CSMD1: variants seen among roughly 807,000 people sequenced by gnomAD.
The protein encoded by CSMD1 is CUB and Sushi multiple domains 1, also known as CUB and sushi domain-containing protein 1.
Under a neutral mutation model 417.5 loss-of-function variants are expected in CSMD1, and 213 were observed. The ratio of observed to expected loss-of-function variants is 0.51; its 90% CI spans 0.46 to 0.57. The LOEUF is 0.57. CSMD1 is among the 20% of genes least tolerant of loss of function. The probability of loss-of-function intolerance (pLI) is 0.00; values close to 1 mark genes in which losing one functional copy is unlikely to be tolerated. For synonymous variants in CSMD1, 2,862 were observed against 1,736.8 expected (o/e 1.65, Z -16.11); for missense variants, 6,923 against 4,529.7 (o/e 1.53, Z -15.17).
chr8:4,175,619 G>C (rs1478804528), intron 3 of CSMD1, among the ~76,000 whole-genome samples: 1 of 152,106 alleles, frequency 6.6e-6, no homozygotes, highest in Non-Finnish European at 1.5e-5. Flanking sequence ...AATTATCACA[G>C]CATAATTTGT....
chr8:3,559,959 G>A (rs867729475), intron 10 of CSMD1, among the ~76,000 whole-genome samples: 17 of 152,256 alleles, frequency 1.1e-4, no homozygotes, highest in South Asian at 8.3e-4. Context: ...GAGGAAAGCC[G>A]TGCGGAATGA....
chr8:3,571,536 C>T (rs1799941390), intron 10 of CSMD1, among the ~76,000 whole-genome samples: 1 of 151,930 alleles, frequency 6.6e-6, no homozygotes, highest in African/African-American at 2.4e-5. Context: ...TCGAGTTTGA[C>T]TCTCACCCAC....
intron 41 of CSMD1, among the ~76,000 whole-genome samples, chr8:3,142,218 C>T (rs545576868): frequency 3.1e-4 from 47 of 152,256 alleles, no homozygotes; most frequent in African/African-American, 1.1e-3. Flanking sequence ...ATTGCAATTC[C>T]CGTCTTGATA....
At chr8:4,922,508 G>GT (rs1237234218) in intron 1 of CSMD1, among the ~76,000 whole-genome samples, 1 of 152,078 alleles carries the variant, frequency 6.6e-6, no homozygotes, top group African/African-American at 2.4e-5. Context: ...AATTTGACTC[G>GT]TTTTACATTG....
intron 10 of CSMD1, among the ~76,000 whole-genome samples, chr8:3,566,200 A>T (rs138454567): frequency 2.2e-3 from 339 of 152,206 alleles, no homozygotes; most frequent in African/African-American, 7.8e-3. Flanking sequence ...AAAGACAAGG[A>T]AAAGGAGGAG....
intron 3 of CSMD1, among the ~76,000 whole-genome samples, chr8:4,139,420 A>C (rs1803639914): frequency 2.6e-5 from 4 of 151,604 alleles, no homozygotes; most frequent in African/African-American, 4.9e-5. Flanking sequence ...TAAGCACTGG[A>C]GGTAAAGAAC....
intron 1 of CSMD1, among the ~76,000 whole-genome samples, chr8:4,883,171 T>C (rs761994797): frequency 6.6e-6 from 1 of 152,064 alleles, no homozygotes; most frequent in Non-Finnish European, 1.5e-5. Context: ...TTTTCTCTTG[T>C]GCAAGAATGC....
At chr8:4,320,169 A>G (rs1799186567) in intron 3 of CSMD1, among the ~76,000 whole-genome samples, 1 of 152,218 alleles carries the variant, frequency 6.6e-6, no homozygotes, top group African/African-American at 2.4e-5. Flanking sequence ...AGAGAAATGC[A>G]AAAATATCCA....
intron 20 of CSMD1, among the ~76,000 whole-genome samples, chr8:3,364,695 C>T (rs1329828541): frequency 6.6e-6 from 1 of 152,152 alleles, no homozygotes; most frequent in Non-Finnish European, 1.5e-5. Flanking sequence ...GGGCGATTCT[C>T]CCCTTTCTGA....
chr8:4,288,826 T>G (rs1797204763), intron 3 of CSMD1, among the ~76,000 whole-genome samples: 1 of 152,186 alleles, frequency 6.6e-6, no homozygotes, highest in Admixed American at 6.5e-5. Flanking sequence ...TCCCATTACG[T>G]CAGTAAAGCA....
intron 3 of CSMD1, among the ~76,000 whole-genome samples, chr8:4,215,405 T>A (rs538542463): frequency 4.6e-5 from 7 of 152,168 alleles, no homozygotes; most frequent in Non-Finnish European, 7.4e-5. Flanking sequence ...CAGGCAAAGA[T>A]ACCATGTCTG....
rs536001673 is a variant in CSMD1, at chr8:3,471,485, C to T, written c.1449-2661G>A. ...TCAAGTTTGGAATCTGGCTTAGTTC[C>T]TTCCTTCTTTCCTTCCTTCCTTCAT... On this transcript the variant is annotated intron_variant, in intron 11 of 69. Coordinates refer to ENST00000635120, the MANE Select transcript of CSMD1 (RefSeq NM_033225.6). Among the ~76,000 whole-genome samples, 306 of 95,390 alleles carry T rather than the reference C, an allele frequency of 3.2e-3. 2 individuals are homozygous for T. Among genetic ancestry groups the T allele is most frequent in the African/African-American group, 9.2e-3 (286 of 31,114 alleles). The allele number at this position is 95,390 out of a possible 152,430, so 62.6% of individuals were successfully genotyped here.
At chr8:3,734,986 C>A (rs772950861) in intron 6 of CSMD1, among the ~76,000 whole-genome samples, 1 of 152,180 alleles carries the variant, frequency 6.6e-6, no homozygotes, top group African/African-American at 2.4e-5. Context: ...AATAGCTCCC[C>A]TGTGGTGTGC....
intron 50 of CSMD1, among the ~76,000 whole-genome samples, chr8:3,036,258 G>A (rs979512984): frequency 6.6e-6 from 1 of 152,152 alleles, no homozygotes; most frequent in Admixed American, 6.5e-5. Flanking sequence ...ATTTAGACAA[G>A]GGAAGTGAGA....
chr8:3,757,147 A>G (rs189720237), intron 5 of CSMD1, among the ~76,000 whole-genome samples: 59 of 152,246 alleles, frequency 3.9e-4, no homozygotes, highest in Non-Finnish European at 6.3e-4. Context: ...ATGATCACAA[A>G]TAAATCCCCT....
intron 48 of CSMD1, among the ~76,000 whole-genome samples, chr8:3,088,805 G>C (rs77658351): frequency 7.1e-6 from 1 of 140,528 alleles, no homozygotes; most frequent in Non-Finnish European, 1.5e-5. Context: ...GTACAATCAG[G>C]CACCCTGAAT....
chr8:3,838,574 T>C (rs942446435), intron 5 of CSMD1, among the ~76,000 whole-genome samples: 2 of 142,946 alleles, frequency 1.4e-5, no homozygotes, highest in Admixed American at 7.3e-5. Context: ...ATAGTCTCTC[T>C]ATATATCTAT....
chr8:4,905,690 GGC>G (rs1805207047), intron 1 of CSMD1, among the ~76,000 whole-genome samples: 1 of 149,994 alleles, frequency 6.7e-6, no homozygotes, highest in Non-Finnish European at 1.5e-5. Flanking sequence ...CGTGGTGGCG[GGC>G]GCCTGTAGTC....
intron 3 of CSMD1, among the ~76,000 whole-genome samples, chr8:4,311,932 A>T (rs1798607177): frequency 6.6e-6 from 1 of 152,062 alleles, no homozygotes; most frequent in African/African-American, 2.4e-5. Context: ...CCTGTGTAAC[A>T]AACCTTCACT....
Sources: allele counts gnomAD v4.1 joint callset (sites outside exome capture counted in the v4.1 genomes callset), GRCh38; gene constraint gnomAD v4.1.1; transcripts MANE v1.5; gene names NCBI Gene and HGNC (gene_info 2026-07-23, HGNC 2026-07-21).